The following BTF3L4 variants were observed in gnomAD, a reference collection of about 807,000 sequenced individuals.
BTF3L4 encodes transcription factor BTF3 homolog 4.
BTF3L4 carries 6 observed loss-of-function variants against 16.8 expected under a neutral mutation model. The ratio of observed to expected loss-of-function variants is 0.36; its 90% CI spans 0.20 to 0.71. The LOEUF (loss-of-function observed/expected upper bound fraction) is 0.71, where lower values mean the gene tolerates loss of function less well. Ranked by LOEUF, BTF3L4 falls within the 30% of genes least tolerant of loss-of-function variation. The pLI is 0.58. For missense variants in BTF3L4, 92 were observed against 186.9 expected, an observed-to-expected ratio of 0.49 and a Z score of 2.96; for synonymous variants, 39 against 59.8, an observed-to-expected ratio of 0.65 and a Z score of 1.60.
rs1644000499 is a variant in BTF3L4 at position 52,089,478 on chromosome 1, T to C, written c.*2720T>C. 1 of 152,228 alleles carries C rather than the reference T, an allele frequency of 6.6e-6. No homozygotes were observed. Among genetic ancestry groups the C allele is most frequent in the South Asian group, 2.1e-4 (1 of 4,834 alleles). The allele number at this position is 152,228 out of a possible 1,614,324, so 9.4% of individuals were successfully genotyped here. On this transcript the variant is annotated 3_prime_UTR_variant, in exon 6 of 6. Transcript: ENST00000313334. ...AGAGTTTGGATGAAACTTTTGTAAA[T>C]TGTAGTGTTCTTGGCATAAATATGA...
chr1:52,073,563 CT>C (rs964407964), intron 3 of BTF3L4, among the ~76,000 whole-genome samples: 3 of 149,358 alleles, frequency 2.0e-5, no homozygotes, highest in East Asian at 2.0e-4. Flanking sequence ...ATTTAGAATT[CT>C]TTTTTTTGGC....
intron 3 of BTF3L4, among the ~76,000 whole-genome samples, chr1:52,077,415 G>C (rs1003075471): frequency 1.3e-5 from 2 of 152,124 alleles, no homozygotes; most frequent in Admixed American, 6.5e-5. Flanking sequence ...GGTGTCACAT[G>C]CCTGTAATCC....
intron 3 of BTF3L4, among the ~76,000 whole-genome samples, chr1:52,066,694 A>T (rs943285884): frequency 2.0e-5 from 3 of 151,282 alleles, no homozygotes; most frequent in Non-Finnish European, 4.4e-5. Context: ...ATTAAAAAAA[A>T]AATTAGCCGG....
intron 1 of BTF3L4, among the ~76,000 whole-genome samples, chr1:52,059,131 G>A (rs1334381712): frequency 6.6e-6 from 1 of 151,502 alleles, no homozygotes; most frequent in Non-Finnish European, 1.5e-5. Flanking sequence ...ATTGTGCAAT[G>A]AAGCATTTTA....
rs957098591 is a variant in BTF3L4 at position 52,087,292 on chromosome 1, C to T, written c.*534C>T. The T allele has an allele frequency of 2.6e-5, 4 of 152,518 alleles. No individual in the cohort carries two copies. Among genetic ancestry groups the T allele is most frequent in the Non-Finnish European group, 1.5e-5 (1 of 68,050 alleles). The allele number at this position is 152,518 out of a possible 1,614,324, so 9.4% of individuals were successfully genotyped here. A position where few individuals can be genotyped will look rare whatever the true frequency, so the allele number is the denominator to read the frequency against. On this transcript the variant is annotated 3_prime_UTR_variant, in exon 6 of 6. Coordinates refer to ENST00000313334, the MANE Select transcript of BTF3L4 (RefSeq NM_152265.5). ...GGTTAACTATCATATTTTTCATACACTTCTCTGGATTTAAAATATCTTGAG... is the reference window on the plus strand; with the variant it reads ...GGTTAACTATCATATTTTTCATACATTTCTCTGGATTTAAAATATCTTGAG...
chr1:52,072,244 T>C (rs1277319960), intron 3 of BTF3L4, among the ~76,000 whole-genome samples: 1 of 152,032 alleles, frequency 6.6e-6, no homozygotes, highest in East Asian at 1.9e-4. Context: ...TTAGTAGAGA[T>C]GGGGTTTCAC....
At chr1:52,070,213 TAA>T (rs66484875) in intron 3 of BTF3L4, among the ~76,000 whole-genome samples, 62 of 140,582 alleles carry the variant, frequency 4.4e-4, no homozygotes, top group South Asian at 6.9e-4. Context: ...CAAGACTGTC[TAA>T]AAAAAAAAAA....
chr1:52,065,094 A>G (rs1366616302), intron 3 of BTF3L4, 156 bp downstream of exon 3: 2 of 416,592 alleles, frequency 4.8e-6, no homozygotes, highest in African/African-American at 2.1e-5. Flanking sequence ...TATGAAATTA[A>G]ATGATGGTCA....
At chr1:52,073,689 CAAAAAAAAAAAAAAAAAAA>C (rs57529132) in intron 3 of BTF3L4, among the ~76,000 whole-genome samples, 1 of 67,632 alleles carries the variant, frequency 1.5e-5, no homozygotes, top group Non-Finnish European at 2.4e-5. Context: ...GCTGTCTCTA[CAAAAAAAAAAAAAAAAAAA>C]AAAAAAAAAG....
intron 3 of BTF3L4, among the ~76,000 whole-genome samples, chr1:52,072,416 CATCTCTAGAACTTTT>C (rs148690821): frequency 0.034 from 5,117 of 152,238 alleles, 110 homozygotes; most frequent in African/African-American, 0.046. Context: ...CACTACTGTT[CATCTCTAGAACTTTT>C]TTCATTTCCC....
chr1:52,077,346 A>G (rs1686959566), intron 3 of BTF3L4, among the ~76,000 whole-genome samples: 1 of 152,192 alleles, frequency 6.6e-6, no homozygotes, highest in African/African-American at 2.4e-5. Context: ...GTTTGAGACC[A>G]GCCTGGCCAA....
intron 3 of BTF3L4, among the ~76,000 whole-genome samples, chr1:52,081,490 G>C (rs968499429): frequency 3.3e-5 from 5 of 152,108 alleles, no homozygotes; most frequent in Non-Finnish European, 5.9e-5. Flanking sequence ...CATATCTTTT[G>C]TTCTTTTCCC....
intron 1 of BTF3L4, among the ~76,000 whole-genome samples, chr1:52,059,445 C>G (rs1686455634): frequency 6.6e-6 from 1 of 152,112 alleles, no homozygotes; most frequent in South Asian, 2.1e-4. Context: ...TTGCTAATAA[C>G]ATTTGGTAAC....
At chr1:52,085,231 G>A (rs973980583) in intron 4 of BTF3L4, among the ~76,000 whole-genome samples, 4 of 151,182 alleles carry the variant, frequency 2.6e-5, no homozygotes, top group African/African-American at 4.9e-5. Flanking sequence ...GTCTTGGCCC[G>A]GCTGGTCTTA....
At chr1:52,069,131 C>T (rs1020477690) in intron 3 of BTF3L4, among the ~76,000 whole-genome samples, 12 of 152,150 alleles carry the variant, frequency 7.9e-5, no homozygotes, top group African/African-American at 2.9e-4. Context: ...CTGGTGTTGT[C>T]TTCTAACCCT....
At chr1:52,062,699 A>G (rs1686548425) in intron 2 of BTF3L4, among the ~76,000 whole-genome samples, 1 of 152,210 alleles carries the variant, frequency 6.6e-6, no homozygotes, top group African/African-American at 2.4e-5. Flanking sequence ...GCGTTGTGGA[A>G]AATGGAACAA....
intron 2 of BTF3L4, among the ~76,000 whole-genome samples, 169 bp from the exon 3 acceptor site, chr1:52,064,656 C>T (rs1221098020): frequency 2.0e-5 from 3 of 152,180 alleles, no homozygotes; most frequent in Non-Finnish European, 4.4e-5. Flanking sequence ...CTTTAGAAAT[C>T]TGCGTTAGGC....
intron 1 of BTF3L4, among the ~76,000 whole-genome samples, chr1:52,056,612 C>G (rs1686363501): frequency 6.6e-6 from 1 of 152,262 alleles, no homozygotes; most frequent in African/African-American, 2.4e-5. Context: ...CGAGCGGGCC[C>G]GCCCTGTTGC....
intron 3 of BTF3L4, among the ~76,000 whole-genome samples, chr1:52,078,028 C>T (rs1686974096): frequency 6.6e-6 from 1 of 152,022 alleles, no homozygotes; most frequent in Non-Finnish European, 1.5e-5. Flanking sequence ...TAATGTGACC[C>T]ATCATCTAGC....
Sources: gnomAD v4.1 joint callset for allele counts (sites outside exome capture counted in the v4.1 genomes callset) on GRCh38, gnomAD v4.1.1 for gene constraint, MANE v1.5 for transcripts, NCBI Gene and HGNC (gene_info 2026-07-23, HGNC 2026-07-21) for gene names.